TTC39C: variants seen among roughly 807,000 people sequenced by gnomAD.
The protein encoded by TTC39C is tetratricopeptide repeat domain 39C.
TTC39C carries 33 observed loss-of-function variants against 76.3 expected under a neutral mutation model. That is an observed-to-expected ratio of 0.43 (90% CI 0.33 to 0.58). The LOEUF is 0.58. Among genes scored for constraint, TTC39C ranks in the 20% least tolerant of loss-of-function variants. The probability of loss-of-function intolerance (pLI) is 0.04; values close to 1 mark genes in which losing one functional copy is unlikely to be tolerated. For synonymous variants in TTC39C, 254 were observed against 260.6 expected, an observed-to-expected ratio of 0.97 and a Z score of 0.24; for missense variants, 595 against 701.4, an observed-to-expected ratio of 0.85 and a Z score of 1.71.
chr18:24,109,176 C>CAAAAAAAAAAAAAAAAAAAA (rs35872928), intron 6 of TTC39C, among the ~76,000 whole-genome samples: 25 of 73,874 alleles, frequency 3.4e-4, no homozygotes, highest in African/African-American at 1.3e-3. Flanking sequence ...CCCGTCTCTA[C>CAAAAAAAAAAAAAAAAAAAA]AAAAAAAAAA....
intron 6 of TTC39C, among the ~76,000 whole-genome samples, chr18:24,109,672 A>G (rs559068672): frequency 2.0e-4 from 31 of 152,342 alleles, no homozygotes; most frequent in Admixed American, 1.4e-3. Flanking sequence ...AGAGTAAAGC[A>G]CTAAATGAAA....
At chr18:24,014,635 C>G, upstream of TTC39C, 1 of 452,394 alleles carries the variant, frequency 2.2e-6, no homozygotes, top group Non-Finnish European at 3.3e-6. Context: ...GCGGGTGCTG[C>G]TGAGTAATCC....
At chr18:24,099,047 CTATA>C (rs2084641419) in intron 6 of TTC39C, among the ~76,000 whole-genome samples, 2 of 57,990 alleles carry the variant, frequency 3.4e-5, no homozygotes, top group African/African-American at 6.0e-5. Context: ...ATATATATAT[CTATA>C]CACGTATATA....
At chr18:24,045,994 G>A (rs1467286978) in intron 1 of TTC39C, among the ~76,000 whole-genome samples, 25 of 130,164 alleles carry the variant, frequency 1.9e-4, no homozygotes, top group South Asian at 2.7e-4. Flanking sequence ...GCTGGAGTGC[G>A]ACGGCACAAT....
intron 6 of TTC39C, among the ~76,000 whole-genome samples, chr18:24,104,688 T>TGTGTGTGTGTGTGTGTG (rs1555776536): frequency 6.9e-6 from 1 of 144,738 alleles, no homozygotes; most frequent in Non-Finnish European, 1.5e-5. Context: ...AGCAGGGTGT[T>TGTGTGTGTGTGTGTGTG]TGTGTGTGTG....
upstream of TTC39C, chr18:24,014,753 T>TCCCCA: frequency 1.3e-6 from 1 of 768,682 alleles, no homozygotes; most frequent in Admixed American, 6.1e-5. Flanking sequence ...TCCCCTCCCC[T>TCCCCA]CCCCTCCCCT....
At chr18:24,041,741 A>T (rs2083795629) in intron 1 of TTC39C, among the ~76,000 whole-genome samples, 1 of 152,232 alleles carries the variant, frequency 6.6e-6, no homozygotes, top group Non-Finnish European at 1.5e-5. Context: ...AAATATACAA[A>T]AGTGCAGCAT....
At chr18:24,083,181 G>A (rs2084398547) in intron 6 of TTC39C, 100 bp downstream of exon 6, 1 of 1,217,794 alleles carries the variant, frequency 8.2e-7, no homozygotes, top group African/African-American at 1.5e-5. Context: ...AATGTCCCAG[G>A]GCCCCGGAGC....
intron 6 of TTC39C, among the ~76,000 whole-genome samples, chr18:24,090,037 A>G (rs2084498060): frequency 6.6e-6 from 1 of 152,208 alleles, no homozygotes; most frequent in Non-Finnish European, 1.5e-5. Context: ...TTGTTTACAA[A>G]TCTGATGTTT....
intron 1 of TTC39C, 147 bp from the exon 2 acceptor site, chr18:24,063,993 G>A: frequency 1.8e-6 from 2 of 1,107,516 alleles, no homozygotes; most frequent in South Asian, 3.8e-5. Flanking sequence ...TTCTTTATTA[G>A]GGTAATTTAA....
chr18:24,074,094 A>G (rs543946608), intron 4 of TTC39C, among the ~76,000 whole-genome samples: 1 of 152,362 alleles, frequency 6.6e-6, no homozygotes, highest in East Asian at 1.9e-4. Flanking sequence ...ATGGTTTGGC[A>G]GTAGGAACAA....
rs2083554579 is a variant in TTC39C, at chr18:24,023,969, TA to T, written c.167+8932del. Reference sequence around the variant, plus strand: ...ATGCATGTATATATATATATATATATATATATATATACATATATATATATAT... The same window carrying T: ...ATGCATGTATATATATATATATATATTATATATATACATATATATATATAT... On this transcript the variant is annotated intron_variant, in intron 1 of 13. Coordinates refer to ENST00000317571, the MANE Select transcript of TTC39C (RefSeq NM_001135993.2). Among the ~76,000 whole-genome samples, 23 of 13,872 alleles carry T rather than the reference TA, an allele frequency of 1.7e-3. 1 individual carries two copies. The highest frequency in any genetic ancestry group is 3.6e-3 in the African/African-American group (21 of 5,772). 9.1% of individuals were successfully genotyped at this position (13,872 alleles called of 152,430 possible). A position where few individuals can be genotyped will look rare whatever the true frequency, so the allele number is the denominator to read the frequency against.
intron 3 of TTC39C, among the ~76,000 whole-genome samples, chr18:24,066,880 C>G (rs530093892): frequency 6.6e-6 from 1 of 152,338 alleles, no homozygotes; most frequent in African/African-American, 2.4e-5. Context: ...AGCTTCCTCT[C>G]TCTCCAGCCT....
intron 1 of TTC39C, among the ~76,000 whole-genome samples, chr18:24,016,962 A>G (rs1168536711): frequency 1.3e-5 from 2 of 152,192 alleles, no homozygotes; most frequent in Non-Finnish European, 2.9e-5. Flanking sequence ...GAGGGACATG[A>G]GACTTAGTTT....
At position 24,123,821 on chromosome 18, in the gene TTC39C, T is replaced by C. The variant is rs1157785230; in HGVS notation, c.1187-13T>C. 1 of 1,585,848 alleles carries C rather than the reference T, an allele frequency of 6.3e-7. No individual in the cohort carries two copies. Among genetic ancestry groups the C allele is most frequent in the Non-Finnish European group, 8.6e-7 (1 of 1,162,070 alleles). ...GACTTGTACTTAAGAAATATAATTA[T>C]GGTTTCTTACAGTTTGTCAGGGAGC... On this transcript the variant is annotated splice_polypyrimidine_tract_variant and intron_variant, in intron 8 of 13. Transcript: ENST00000317571.
rs188528036 is a variant in TTC39C, at chr18:23,996,539, C to T, written c.-17+3501C>T. Reference sequence around the variant, plus strand: ...CATAAGGCTGGAGGAATGAGCCCTGCAGGGAATATTTCTGGAAATGTGGCC... The same window carrying T: ...CATAAGGCTGGAGGAATGAGCCCTGTAGGGAATATTTCTGGAAATGTGGCC... On this transcript the variant is annotated intron_variant, in intron 1 of 13. Transcript: ENST00000304621. Among the ~76,000 whole-genome samples, 311 of 152,326 alleles carry T rather than the reference C, an allele frequency of 2.0e-3. 1 individual carries two copies. Among genetic ancestry groups the T allele is most frequent in the African/African-American group, 7.3e-3 (302 of 41,570 alleles).
intron 11 of TTC39C, among the ~76,000 whole-genome samples, chr18:24,129,296 G>T (rs2085092628): frequency 6.6e-6 from 1 of 152,192 alleles, no homozygotes; most frequent in Non-Finnish European, 1.5e-5. Context: ...GGAGCGGAGT[G>T]AAGTCTCATT....
At chr18:24,017,653 C>G (rs961379711) in intron 1 of TTC39C, among the ~76,000 whole-genome samples, 1 of 152,210 alleles carries the variant, frequency 6.6e-6, no homozygotes, top group Non-Finnish European at 1.5e-5. Context: ...ACTTCCCTTT[C>G]TGTTCCAAAG....
At chr18:24,051,794 T>G (rs1568419789) in intron 1 of TTC39C, among the ~76,000 whole-genome samples, 1 of 152,220 alleles carries the variant, frequency 6.6e-6, no homozygotes. Context: ...AGGTCTTCTA[T>G]CTAGTCATTT....
Sources: gnomAD v4.1 joint callset for allele counts (sites outside exome capture counted in the v4.1 genomes callset) on GRCh38, gnomAD v4.1.1 for gene constraint, MANE v1.5 for transcripts, NCBI Gene and HGNC (gene_info 2026-07-23, HGNC 2026-07-21) for gene names.